SH2D4B: variants seen among roughly 807,000 people sequenced by gnomAD.
SH2D4B encodes SH2 domain containing 4B, also known as SH2 domain-containing protein 4B.
A neutral mutation model predicts 61.5 loss-of-function variants in SH2D4B; 45 were observed. The ratio of observed to expected loss-of-function variants is 0.73; its 90% confidence interval spans 0.58 to 0.94. The LOEUF is 0.94. SH2D4B is among the 40% of genes least tolerant of loss of function. SH2D4B has a pLI of 0.00. For synonymous variants in SH2D4B, 224 were observed against 220.4 expected, an observed-to-expected ratio of 1.02 and a Z score of -0.14; for missense variants, 572 against 574.2, an observed-to-expected ratio of 1.00 and a Z score of 0.04.
chr10:80,548,795 G>C (rs1841716537), intron 1 of SH2D4B, among the ~76,000 whole-genome samples: 1 of 152,196 alleles, frequency 6.6e-6, no homozygotes, highest in Non-Finnish European at 1.5e-5. Context: ...TATGGGACCA[G>C]CCACATCACT....
At chr10:80,614,395 TG>T (rs780360475) in intron 6 of SH2D4B, among the ~76,000 whole-genome samples, 4 of 152,184 alleles carry the variant, frequency 2.6e-5, no homozygotes, top group Non-Finnish European at 5.9e-5. Context: ...TCACTCACTG[TG>T]GTGAGGACAG....
At chr10:80,626,964 A>G (rs1242610364) in intron 6 of SH2D4B, among the ~76,000 whole-genome samples, 1 of 152,158 alleles carries the variant, frequency 6.6e-6, no homozygotes, top group East Asian at 1.9e-4. Context: ...TTTTCCTGAC[A>G]TTCAGTGTCC....
intron 6 of SH2D4B, among the ~76,000 whole-genome samples, chr10:80,619,701 A>C (rs998019145): frequency 2.0e-5 from 3 of 152,272 alleles, no homozygotes; most frequent in African/African-American, 7.2e-5. Flanking sequence ...GGGTGATACT[A>C]ATGTAATTCC....
At chr10:80,622,441 T>C (rs1239752691) in intron 6 of SH2D4B, among the ~76,000 whole-genome samples, 2 of 152,232 alleles carry the variant, frequency 1.3e-5, no homozygotes, top group Non-Finnish European at 2.9e-5. Flanking sequence ...CAGGAAAGTA[T>C]TTCTAACTCC....
At chr10:80,616,335 A>G (rs916313210) in intron 6 of SH2D4B, among the ~76,000 whole-genome samples, 1 of 152,218 alleles carries the variant, frequency 6.6e-6, no homozygotes, top group Non-Finnish European at 1.5e-5. Flanking sequence ...AAGGAGAAAA[A>G]GAAGTAGGTC....
chr10:80,554,995 C>T (rs1393679784), intron 1 of SH2D4B, among the ~76,000 whole-genome samples: 2 of 95,178 alleles, frequency 2.1e-5, no homozygotes, highest in African/African-American at 4.5e-5. Flanking sequence ...GGCGACAAGG[C>T]GAGTCTCAAA....
rs966549890 is a variant in SH2D4B at position 80,538,250 on chromosome 10, G to T, written c.-82G>T. 6.7e-6 allele frequency: 8 copies of T among 1,187,306 alleles called. No homozygotes were observed. Among genetic ancestry groups the T allele is most frequent in the Non-Finnish European group, 8.7e-6 (8 of 921,354 alleles). The allele number at this position is 1,187,306 out of a possible 1,614,324, so 73.5% of individuals were successfully genotyped here. ...GGCCCCGGATTGAGCAGTCCGTAGT[G>T]CAGAGCAGCCCCTCGGGCGTTCTGC... is the stretch of plus-strand genomic sequence containing the variant. On this transcript the variant is annotated 5_prime_UTR_variant, in exon 1 of 8. Coordinates refer to ENST00000646907, the MANE Select transcript of SH2D4B (RefSeq NM_001388272.1). The surrounding 1 kb of genome is among the most constrained non-coding windows in gnomAD (Gnocchi z 4.8).
intron 3 of SH2D4B, among the ~76,000 whole-genome samples, chr10:80,584,766 G>C (rs1405197692): frequency 2.6e-5 from 4 of 152,204 alleles, no homozygotes; most frequent in Admixed American, 2.0e-4. Context: ...TGAGGCTGAG[G>C]AGAGAAAAAG....
rs1841544198 is a variant in SH2D4B at position 80,539,032 on chromosome 10, C to T, written c.184+517C>T. 6.6e-6 allele frequency among the ~76,000 whole-genome samples: 1 copy of T among 152,198 alleles called. No homozygotes were observed. Among genetic ancestry groups the T allele is most frequent in the Admixed American group, 6.5e-5 (1 of 15,282 alleles). On this transcript the variant is annotated intron_variant, in intron 1 of 7. Transcript: ENST00000646907. The surrounding 1 kb of genome is among the most constrained non-coding windows in gnomAD (Gnocchi z 4.9). ...GGATGCTGTGGGTTGTCTCTGGAGCCCCACTGGGCATCCGGAGAGAGGGCA... is the reference window on the plus strand; with the variant it reads ...GGATGCTGTGGGTTGTCTCTGGAGCTCCACTGGGCATCCGGAGAGAGGGCA...
At chr10:80,572,945 A>AACATATATATAT (rs1401982950) in intron 3 of SH2D4B, among the ~76,000 whole-genome samples, 4 of 20,670 alleles carry the variant, frequency 1.9e-4, no homozygotes, top group East Asian at 2.8e-3. Context: ...GTATGTTGCA[A>AACATATATATAT]ATATATATAT....
intron 6 of SH2D4B, among the ~76,000 whole-genome samples, chr10:80,629,490 C>T (rs980139115): frequency 6.6e-6 from 1 of 152,160 alleles, no homozygotes; most frequent in African/African-American, 2.4e-5. Flanking sequence ...GACAGTCTCC[C>T]AGAAATGGCC....
At chr10:80,623,461 C>T (rs1842739131) in intron 6 of SH2D4B, among the ~76,000 whole-genome samples, 1 of 152,154 alleles carries the variant, frequency 6.6e-6, no homozygotes, top group Non-Finnish European at 1.5e-5. Flanking sequence ...TCCTAAAGAC[C>T]CCTTCTGTTA....
In SH2D4B at chr10:80,538,509, A is replaced by C; in HGVS notation, c.178A>C (p.Lys60Gln). 7.2e-7 allele frequency: 1 copy of C among 1,394,056 alleles called. No homozygotes were observed. The highest frequency in any genetic ancestry group is 2.7e-5 in the East Asian group (1 of 37,172). The allele number at this position is 1,394,056 out of a possible 1,614,324, so 86.4% of individuals were successfully genotyped here. The change falls in exon 1 of 8, where the codon AAG becomes CAG. Residue 60 changes from lysine (K) to glutamine (Q), a missense_variant. By Grantham distance (53) the Lys-to-Gln change is moderately conservative (BLOSUM62 1). Transcript: ENST00000646907. The surrounding 1 kb of genome is among the most constrained non-coding windows in gnomAD (Gnocchi z 4.8). ...QDEGLRPPKT[K>Q]RAASDKHIQW... The stretch of plus-strand genomic sequence containing the variant: ...CGAGGGTCTCAGGCCTCCAAAGACC[A>C]AGCGAGGTACGTGGCTGGGAGTCAC...
At chr10:80,569,596 G>A (rs1019001562) in intron 1 of SH2D4B, among the ~76,000 whole-genome samples, 8 of 151,918 alleles carry the variant, frequency 5.3e-5, no homozygotes, top group African/African-American at 1.9e-4. Context: ...CATCTGGGTG[G>A]CAGCGAGGGT....
intron 1 of SH2D4B, among the ~76,000 whole-genome samples, chr10:80,563,149 C>A (rs1195647957): frequency 1.3e-5 from 2 of 152,080 alleles, no homozygotes; most frequent in Non-Finnish European, 2.9e-5. Context: ...GATCTGCCCG[C>A]TTCGGCCTCC....
intron 4 of SH2D4B, among the ~76,000 whole-genome samples, chr10:80,600,462 T>C (rs1026638716): frequency 6.6e-6 from 1 of 151,954 alleles, no homozygotes; most frequent in African/African-American, 2.4e-5. Flanking sequence ...TGAACACAGC[T>C]GCACAGAGGC....
intron 2 of SH2D4B, 68 bp from the exon 3 acceptor site, chr10:80,571,363 C>A: frequency 6.6e-7 from 1 of 1,516,948 alleles, no homozygotes. Flanking sequence ...GTTTTTATTT[C>A]AAGTTCTATT....
chr10:80,628,226 A>G (rs1457352263), intron 6 of SH2D4B, among the ~76,000 whole-genome samples: 3 of 152,190 alleles, frequency 2.0e-5, no homozygotes, highest in African/African-American at 7.2e-5. Flanking sequence ...CCCAAATTTC[A>G]TCTTGAATTC....
At chr10:80,540,758 G>C (rs530902016) in intron 1 of SH2D4B, 15 of 1,456,588 alleles carry the variant, frequency 1.0e-5, no homozygotes, top group Non-Finnish European at 1.3e-5. Flanking sequence ...TCCTGGAGAC[G>C]GTGGGTAGAT....
Sources: allele counts gnomAD v4.1 joint callset (sites outside exome capture counted in the v4.1 genomes callset), GRCh38; gene constraint gnomAD v4.1.1; non-coding constraint Gnocchi (gnomAD v3.1); transcripts MANE v1.5; gene names NCBI Gene and HGNC (gene_info 2026-07-23, HGNC 2026-07-21).